CNTLN: variants seen among roughly 807,000 people sequenced by gnomAD.
CNTLN encodes centlein, centrosomal protein.
CNTLN carries 212 observed loss-of-function variants against 180.0 expected under a neutral mutation model. The ratio of observed to expected loss-of-function variants is 1.18; its 90% CI spans 1.05 to 1.32. The LOEUF is 1.32. Among genes scored for constraint, CNTLN ranks in the 40% most tolerant of loss-of-function variants. CNTLN has a pLI of 0.00. For missense variants in CNTLN, 2,095 were observed against 1,610.9 expected, an observed-to-expected ratio of 1.30 and a Z score of -5.14; for synonymous variants, 722 against 563.1, an observed-to-expected ratio of 1.28 and a Z score of -3.99.
At chr9:17,318,326 G>A (rs1819673391) in intron 8 of CNTLN, among the ~76,000 whole-genome samples, 1 of 152,072 alleles carries the variant, frequency 6.6e-6, no homozygotes, top group Admixed American at 6.5e-5. Flanking sequence ...ACCGCGCCGG[G>A]CCCTAACTGA....
chr9:17,473,623 C>A (rs953616538), intron 23 of CNTLN, among the ~76,000 whole-genome samples: 3 of 151,662 alleles, frequency 2.0e-5, no homozygotes, highest in South Asian at 2.1e-4. Context: ...AAAAAACAAC[C>A]CTTCATTTGA....
At position 17,173,952 on chromosome 9, in the gene CNTLN, A is replaced by AGG. The variant is rs370214155; in HGVS notation, c.449+30577_449+30578dup. 4.5e-3 allele frequency among the ~76,000 whole-genome samples: 692 copies of AGG among 152,274 alleles called. 2 individuals are homozygous for AGG. The highest frequency in any genetic ancestry group is 0.015 in the African/African-American group (616 of 41,544). ...AATGCAGAACAATTCTGTCACCATA[A>AGG]GGACCCCTTTTATAACCCCACTCAC... On this transcript the variant is annotated intron_variant, in intron 2 of 25. Transcript: ENST00000380647.
chr9:17,392,618 AG>A (rs1826196787), intron 14 of CNTLN, among the ~76,000 whole-genome samples: 1 of 152,180 alleles, frequency 6.6e-6, no homozygotes, highest in African/African-American at 2.4e-5. Context: ...CCTTTATTCC[AG>A]GTCATGTGTA....
chr9:17,294,684 C>T (rs1817680851), intron 6 of CNTLN, among the ~76,000 whole-genome samples: 1 of 147,094 alleles, frequency 6.8e-6, no homozygotes, highest in Admixed American at 6.8e-5. Context: ...TCCACCAGCA[C>T]TCCTCAGCCC....
chr9:17,367,935 T>C (rs1329556115), intron 13 of CNTLN, among the ~76,000 whole-genome samples: 1 of 151,972 alleles, frequency 6.6e-6, no homozygotes, highest in African/African-American at 2.4e-5. Flanking sequence ...GTGGTGGCTG[T>C]GGTGAGAAAC....
At chr9:17,403,729 G>A (rs1042010961) in intron 15 of CNTLN, among the ~76,000 whole-genome samples, 2 of 151,656 alleles carry the variant, frequency 1.3e-5, no homozygotes, top group Non-Finnish European at 2.9e-5. Flanking sequence ...CTGGGAGGTA[G>A]GGAGGTGGCC....
chr9:17,194,096 C>T (rs1563867376), intron 2 of CNTLN, among the ~76,000 whole-genome samples: 1 of 152,196 alleles, frequency 6.6e-6, no homozygotes, highest in Non-Finnish European at 1.5e-5. Context: ...ACCCTGGGCC[C>T]GGCCCACAAA....
At chr9:17,452,100 G>C (rs1830816210) in intron 18 of CNTLN, among the ~76,000 whole-genome samples, 1 of 151,900 alleles carries the variant, frequency 6.6e-6, no homozygotes, top group African/African-American at 2.4e-5. Context: ...TTATTCTTTA[G>C]AGACATCAAG....
chr9:17,189,329 T>G (rs1235840847), intron 2 of CNTLN, among the ~76,000 whole-genome samples: 1 of 151,582 alleles, frequency 6.6e-6, no homozygotes, highest in Non-Finnish European at 1.5e-5. Flanking sequence ...TGATCTGCCC[T>G]CTTCAGCCTC....
chr9:17,239,442 G>A (rs938624892), intron 5 of CNTLN, among the ~76,000 whole-genome samples: 6 of 141,182 alleles, frequency 4.2e-5, no homozygotes, highest in African/African-American at 1.8e-4. Context: ...CTCTTTTGAT[G>A]GTGTTCTTAA....
intron 2 of CNTLN, among the ~76,000 whole-genome samples, chr9:17,168,834 T>G (rs963548169): frequency 6.6e-6 from 1 of 152,046 alleles, no homozygotes; most frequent in African/African-American, 2.4e-5. Context: ...TGGGTTATAG[T>G]AGAGTAGGTG....
intron 12 of CNTLN, among the ~76,000 whole-genome samples, chr9:17,365,467 C>G (rs1030597217): frequency 5.9e-5 from 9 of 152,060 alleles, no homozygotes. Context: ...ATACACCATC[C>G]CTACTCAGGT....
chr9:17,334,046 C>T (rs1256450465), intron 10 of CNTLN, among the ~76,000 whole-genome samples: 1 of 152,012 alleles, frequency 6.6e-6, no homozygotes, highest in African/African-American at 2.4e-5. Flanking sequence ...CTATCATCTT[C>T]CTCCTTTTGC....
At chr9:17,377,754 T>C (rs985278210) in intron 13 of CNTLN, among the ~76,000 whole-genome samples, 2 of 152,224 alleles carry the variant, frequency 1.3e-5, no homozygotes, top group Non-Finnish European at 2.9e-5. Flanking sequence ...GTGGTTGCTG[T>C]GAGGATGTGT....
intron 8 of CNTLN, among the ~76,000 whole-genome samples, chr9:17,321,349 A>G (rs570939343): frequency 1.3e-5 from 2 of 152,194 alleles, no homozygotes; most frequent in East Asian, 3.9e-4. Context: ...TGTTAAACTT[A>G]ATTGTTTTCC....
Position 17,252,639 on chromosome 9 carries a change from C to G in CNTLN, c.849+16051C>G, listed in dbSNP as rs147950163. Among the ~76,000 whole-genome samples, 254 of 151,788 alleles carry G rather than the reference C, an allele frequency of 1.7e-3. 2 individuals carry two copies. The highest frequency in any genetic ancestry group is 3.0e-3 in the Non-Finnish European group (201 of 67,686). Reference sequence around the variant, plus strand: ...CTTGTCGATTCTAGTTACTAGTCCCCTGTTGACTGAGTAATCTGCAAGTAT... The same window carrying G: ...CTTGTCGATTCTAGTTACTAGTCCCGTGTTGACTGAGTAATCTGCAAGTAT... On this transcript the variant is annotated intron_variant, in intron 5 of 25. Transcript: ENST00000380647.
intron 6 of CNTLN, among the ~76,000 whole-genome samples, chr9:17,288,253 A>G (rs1159832303): frequency 8.4e-6 from 1 of 118,608 alleles, no homozygotes; most frequent in African/African-American, 4.0e-5. Context: ...TGCTGCCTTC[A>G]TTTCATTATG....
chr9:17,433,729 G>A (rs1313408123), intron 18 of CNTLN, among the ~76,000 whole-genome samples: 1 of 152,022 alleles, frequency 6.6e-6, no homozygotes, highest in African/African-American at 2.4e-5. Context: ...CTGGGTGTGT[G>A]TCACCATGCC....
intron 5 of CNTLN, among the ~76,000 whole-genome samples, chr9:17,242,698 C>T (rs2132208986): frequency 6.6e-6 from 1 of 152,280 alleles, no homozygotes; most frequent in Non-Finnish European, 1.5e-5. Context: ...CCTTGCATCC[C>T]TAGGATAAAT....
Sources: allele counts gnomAD v4.1 joint callset (sites outside exome capture counted in the v4.1 genomes callset), GRCh38; gene constraint gnomAD v4.1.1; transcripts MANE v1.5; gene names NCBI Gene and HGNC (gene_info 2026-07-23, HGNC 2026-07-21).